The following AIG1 variants were observed in gnomAD, a reference collection of about 807,000 sequenced individuals.
The protein encoded by AIG1 is androgen induced 1.
In AIG1, 23 loss-of-function variants were observed where a neutral mutation model predicts 31.4. The observed-to-expected ratio is 0.73, with a 90% confidence interval of 0.53 to 1.04. AIG1 has a LOEUF of 1.04. Among genes scored for constraint, AIG1 ranks in the 50% least tolerant of loss-of-function variants. The pLI is 0.00. For synonymous variants in AIG1, 100 were observed against 110.5 expected, an observed-to-expected ratio of 0.90 and a Z score of 0.60; for missense variants, 274 against 295.0, an observed-to-expected ratio of 0.93 and a Z score of 0.52.
At chr6:143,072,190 T>C (rs1449911252) in intron 1 of AIG1, among the ~76,000 whole-genome samples, 1 of 152,204 alleles carries the variant, frequency 6.6e-6, no homozygotes. Flanking sequence ...GTGAAACAAA[T>C]AGTACTGTTT....
At chr6:143,205,400 G>T (rs886759618) in intron 3 of AIG1, among the ~76,000 whole-genome samples, 5 of 152,146 alleles carry the variant, frequency 3.3e-5, no homozygotes, top group African/African-American at 1.2e-4. Flanking sequence ...GTTTGATTGG[G>T]TTAATTTATA....
chr6:143,214,608 GC>G (rs1181997822), intron 3 of AIG1, among the ~76,000 whole-genome samples: 2 of 152,060 alleles, frequency 1.3e-5, no homozygotes, highest in Non-Finnish European at 2.9e-5. Context: ...CCTCATTGTG[GC>G]CAGAATTTGA....
At chr6:143,164,993 G>T in intron 2 of AIG1, 89 bp from the exon 3 acceptor site, 1 of 1,001,624 alleles carries the variant, frequency 1.0e-6, no homozygotes, top group Non-Finnish European at 1.5e-6. Flanking sequence ...TCCAAATTCT[G>T]TTGGATTCTT....
At chr6:143,224,594 C>T (rs1562504338) in intron 3 of AIG1, among the ~76,000 whole-genome samples, 2 of 152,162 alleles carry the variant, frequency 1.3e-5, no homozygotes, top group African/African-American at 4.8e-5. Flanking sequence ...ATAATTATTC[C>T]ATGACCCTCC....
At chr6:143,080,760 G>A (rs1017576683) in intron 1 of AIG1, among the ~76,000 whole-genome samples, 1 of 152,094 alleles carries the variant, frequency 6.6e-6, no homozygotes, top group Non-Finnish European at 1.5e-5. Context: ...TGGATTTTCG[G>A]GTTCCTTTGG....
chr6:143,238,001 C>T (rs546948842), intron 3 of AIG1, among the ~76,000 whole-genome samples: 4 of 152,096 alleles, frequency 2.6e-5, no homozygotes, highest in Non-Finnish European at 5.9e-5. Flanking sequence ...AGTGCAGTGG[C>T]ACGATCTCAG....
chr6:143,175,987 C>G (rs1330484769), intron 3 of AIG1, among the ~76,000 whole-genome samples: 2 of 152,168 alleles, frequency 1.3e-5, no homozygotes, highest in African/African-American at 4.8e-5. Context: ...ATTCTTTGGT[C>G]CCTCAGGGTG....
At chr6:143,218,728 G>A (rs1054355919) in intron 3 of AIG1, among the ~76,000 whole-genome samples, 1 of 152,144 alleles carries the variant, frequency 6.6e-6, no homozygotes, top group Non-Finnish European at 1.5e-5. Context: ...TGGCAAAAAG[G>A]TAAAAATGAA....
At chr6:143,270,982 A>T (rs772406634) in intron 3 of AIG1, among the ~76,000 whole-genome samples, 44 of 152,210 alleles carry the variant, frequency 2.9e-4, no homozygotes, top group Non-Finnish European at 5.3e-4. Context: ...TGTTAATATA[A>T]TGCCATTTGC....
At chr6:143,118,832 T>G (rs1379621560) in intron 1 of AIG1, among the ~76,000 whole-genome samples, 1 of 151,952 alleles carries the variant, frequency 6.6e-6, no homozygotes, top group Admixed American at 6.6e-5. Context: ...AATTCCTATA[T>G]GGAACTTCTG....
intron 3 of AIG1, among the ~76,000 whole-genome samples, chr6:143,196,393 A>ACACC (rs1367477483): frequency 7.2e-6 from 1 of 139,242 alleles, no homozygotes; most frequent in African/African-American, 2.6e-5. Flanking sequence ...ACACACACAC[A>ACACC]CACCCCAATT....
In AIG1 at chr6:143,298,380, A is replaced by G. The variant is rs905072670; in HGVS notation, c.515+14155A>G. On this transcript the variant is annotated intron_variant, in intron 4 of 5. Transcript: ENST00000357847. The surrounding 1 kb of genome is among the most constrained non-coding windows in gnomAD (Gnocchi z 5.1). ...TGTCTAGCCACACATGCTAAACTTAAGCCAAAGATATGTAAAGAATGTTAG... is the reference window on the plus strand; with the variant it reads ...TGTCTAGCCACACATGCTAAACTTAGGCCAAAGATATGTAAAGAATGTTAG... Among the ~76,000 whole-genome samples the G allele has an allele frequency of 1.3e-5, 2 of 152,256 alleles. No individual in the cohort carries two copies. Among genetic ancestry groups the G allele is most frequent in the African/African-American group, 4.8e-5 (2 of 41,468 alleles).
At chr6:143,152,040 C>T (rs1349743458) in intron 2 of AIG1, among the ~76,000 whole-genome samples, 1 of 152,148 alleles carries the variant, frequency 6.6e-6, no homozygotes, top group Non-Finnish European at 1.5e-5. Flanking sequence ...CTTCTGTTAA[C>T]ATATCTTTCT....
chr6:143,194,300 A>G (rs1790042203), intron 3 of AIG1, among the ~76,000 whole-genome samples: 1 of 152,186 alleles, frequency 6.6e-6, no homozygotes, highest in Non-Finnish European at 1.5e-5. Context: ...TCACAAAACC[A>G]TTAGATCTCA....
chr6:143,123,807 C>T (rs763914881), intron 1 of AIG1, among the ~76,000 whole-genome samples: 20 of 152,266 alleles, frequency 1.3e-4, no homozygotes, highest in Non-Finnish European at 7.4e-5. Context: ...TACCTTCAGC[C>T]ATTCACTGTA....
rs546291170 is a variant in AIG1, at chr6:143,066,551, G to T, written c.141+5485G>T. Among the ~76,000 whole-genome samples the T allele has an allele frequency of 2.0e-5, 3 of 152,220 alleles. No homozygotes were observed. The South Asian group carries it at 6.2e-4, about 32-fold the overall frequency. On this transcript the variant is annotated intron_variant, in intron 1 of 5. Coordinates refer to ENST00000357847, the MANE Select transcript of AIG1 (RefSeq NM_016108.4). ...GCCTCCCAAAGTGCTGGGATTACAG[G>T]TGTGAGCCACCGCGCCTGGCCTGAA...
intron 4 of AIG1, among the ~76,000 whole-genome samples, chr6:143,316,724 TCCTTGAAAAGATAGATAAAATTGATATA>T (rs1775774463): frequency 1.3e-5 from 2 of 152,026 alleles, no homozygotes; most frequent in South Asian, 4.1e-4. Context: ...AAAAGCTGTT[TCCTTGAAAAGATAGATAAAATTGATATA>T]CCATTAGCGA....
chr6:143,164,886 A>T, intron 2 of AIG1, 196 bp from the exon 3 acceptor site: 1 of 468,244 alleles, frequency 2.1e-6, no homozygotes. Flanking sequence ...GAGATCAGAG[A>T]GAGAGGAGGC....
chr6:143,142,940 A>G (rs913580889), intron 2 of AIG1, among the ~76,000 whole-genome samples: 3 of 152,248 alleles, frequency 2.0e-5, no homozygotes, highest in Non-Finnish European at 4.4e-5. Context: ...TTGTTGACAT[A>G]GTAGCTAATT....
Sources: allele counts gnomAD v4.1 joint callset (sites outside exome capture counted in the v4.1 genomes callset), GRCh38; gene constraint gnomAD v4.1.1; non-coding constraint Gnocchi (gnomAD v3.1); transcripts MANE v1.5; gene names NCBI Gene and HGNC (gene_info 2026-07-23, HGNC 2026-07-21).